Variants in CDC42BPB observed in about 807,000 individuals in gnomAD.
CDC42BPB encodes the protein serine/threonine-protein kinase MRCK beta.
Under a neutral mutation model 214.9 loss-of-function variants are expected in CDC42BPB, and 37 were observed. The observed-to-expected ratio is 0.17, with a 90% CI of 0.13 to 0.23. CDC42BPB has a LOEUF of 0.23. Among genes scored for constraint, CDC42BPB ranks in the 10% least tolerant of loss-of-function variants. The pLI, the probability that CDC42BPB is intolerant of heterozygous loss-of-function variation, is 1.00. For missense variants in CDC42BPB, 1,694 were observed against 2,227.0 expected (o/e 0.76, Z 4.82); for synonymous variants, 931 against 884.0 (o/e 1.05, Z -0.94).
intron 5 of CDC42BPB, among the ~76,000 whole-genome samples, chr14:102,995,874 C>T (rs559000655): frequency 2.6e-5 from 4 of 152,248 alleles, no homozygotes; most frequent in Non-Finnish European, 5.9e-5. Context: ...AATGCCCCCA[C>T]CTGAGACTGG....
Position 102,939,863 on chromosome 14 carries a change from T to A in CDC42BPB, c.4676A>T (p.Lys1559Met). The A allele has an allele frequency of 1.9e-6, 3 of 1,614,074 alleles. No homozygotes were observed. The highest frequency in any genetic ancestry group is 2.5e-6 in the Non-Finnish European group (3 of 1,180,044). The change falls in exon 33 of 37, where the codon AAG becomes ATG. Residue 1559 changes from lysine (K) to methionine (M), a missense_variant. Transcript: ENST00000361246. ...CTGCAGTCTCTCTTCCTCTGGGACCTTGAAGACGAACCGCCTTTTGCTCCT... is the reference window on the plus strand; with the variant it reads ...CTGCAGTCTCTCTTCCTCTGGGACCATGAAGACGAACCGCCTTTTGCTCCT... Reference protein sequence around the residue: ...RTRSKRRFVFKVPEEERLQQR... With the variant: ...RTRSKRRFVFMVPEEERLQQR...
At chr14:103,010,740 A>T (rs1886108258) in intron 2 of CDC42BPB, among the ~76,000 whole-genome samples, 1 of 152,222 alleles carries the variant, frequency 6.6e-6, no homozygotes, top group African/African-American at 2.4e-5. Context: ...CAGTTTAAGA[A>T]GCAAAACTTG....
At chr14:103,015,683 C>T (rs900143633) in intron 1 of CDC42BPB, among the ~76,000 whole-genome samples, 1 of 152,124 alleles carries the variant, frequency 6.6e-6, no homozygotes, top group Admixed American at 6.6e-5. Context: ...GAAGCACCTT[C>T]TGCCATTAGG....
chr14:102,964,207 T>C (rs1893085328), intron 19 of CDC42BPB, among the ~76,000 whole-genome samples: 1 of 152,106 alleles, frequency 6.6e-6, no homozygotes, highest in African/African-American at 2.4e-5. Flanking sequence ...GCGGTGTGAG[T>C]CTCGCTACCC....
chr14:102,946,716 A>G (rs1892196197), intron 27 of CDC42BPB, 32 bp from the exon 28 acceptor site: 1 of 1,609,504 alleles, frequency 6.2e-7, no homozygotes, highest in Non-Finnish European at 8.5e-7. Flanking sequence ...AGAAGAGAGA[A>G]GTCATCAAAC....
At chr14:102,991,205 C>T (rs922400516) in intron 5 of CDC42BPB, among the ~76,000 whole-genome samples, 1 of 152,170 alleles carries the variant, frequency 6.6e-6, no homozygotes, top group Non-Finnish European at 1.5e-5. Flanking sequence ...ATATTGTACA[C>T]CTGTGGAAAT....
At position 102,944,921 on chromosome 14, in the gene CDC42BPB, A is replaced by G. The variant is rs1461315784; in HGVS notation, c.3812-434T>C. On this transcript the variant is annotated intron_variant, in intron 29 of 36. Coordinates refer to ENST00000361246, the MANE Select transcript of CDC42BPB (RefSeq NM_006035.4). This position sits in a 1 kb window ranked among gnomAD's most constrained non-coding sequence, Gnocchi z 6.6. ...AAAGAGCTGTCCCCAACCCACTGGG[A>G]CCCTGAGACAAATCCTCTGAAGACG... Among the ~76,000 whole-genome samples the G allele has an allele frequency of 6.6e-6, 1 of 152,102 alleles. No homozygotes were observed. The highest frequency in any genetic ancestry group is 1.5e-5 in the Non-Finnish European group (1 of 68,012).
At chr14:103,035,636 T>A (rs12887150) in intron 1 of CDC42BPB, among the ~76,000 whole-genome samples, 2 of 151,788 alleles carry the variant, frequency 1.3e-5, no homozygotes, top group South Asian at 4.2e-4. Context: ...GTCAGGAGAT[T>A]GAGACCATCC....
intron 21 of CDC42BPB, among the ~76,000 whole-genome samples, chr14:102,956,821 C>T (rs941083771): frequency 8.0e-5 from 12 of 149,692 alleles, no homozygotes; most frequent in African/African-American, 3.0e-4. Context: ...AGAAGGAAGC[C>T]CTGACTCTAA....
At position 103,001,641 on chromosome 14, in the gene CDC42BPB, G is replaced by A. The variant is rs900569200; in HGVS notation, c.448-1928C>T. On this transcript the variant is annotated intron_variant, in intron 4 of 36. Coordinates refer to ENST00000361246, the MANE Select transcript of CDC42BPB (RefSeq NM_006035.4). This position sits in a 1 kb window ranked among gnomAD's most constrained non-coding sequence, Gnocchi z 5.8. ...CCCAGGCACCGAGGTGCCACTGCGT[G>A]TGGAGGGCGATGCAGAGGGGGCGGT... Among the ~76,000 whole-genome samples the A allele has an allele frequency of 6.6e-6, 1 of 152,220 alleles. No homozygotes were observed. The highest frequency in any genetic ancestry group is 1.5e-5 in the Non-Finnish European group (1 of 68,032).
chr14:102,946,369 T>A, intron 28 of CDC42BPB, 99 bp downstream of exon 28: 1 of 1,329,602 alleles, frequency 7.5e-7, no homozygotes, highest in South Asian at 1.3e-5. Flanking sequence ...CAAACCCAAA[T>A]GGACCTGTGA....
At chr14:102,967,342 A>G in intron 16 of CDC42BPB, 172 bp from the exon 17 acceptor site, 1 of 985,460 alleles carries the variant, frequency 1.0e-6, no homozygotes, top group Non-Finnish European at 1.2e-6. Context: ...AGCTTAAGTC[A>G]CATTTCAATT....
chr14:102,948,004 G>A lies in CDC42BPB; in HGVS notation c.3450-202C>T, dbSNP rs946820214. 8.6e-5 allele frequency: 84 copies of A among 980,522 alleles called. 1 individual carries two copies. The highest frequency in any genetic ancestry group is 9.4e-5 in the Non-Finnish European group (78 of 827,172). 60.7% of individuals were successfully genotyped at this position (980,522 alleles called of 1,614,324 possible). On this transcript the variant is annotated intron_variant, in intron 26 of 36. Transcript: ENST00000361246. The stretch of plus-strand genomic sequence containing the variant: ...CTCTGGCAGGTGTTTCAGGGCTTAG[G>A]GATGCCGCAAGGGAAACCCCGGAGC...
At chr14:102,957,024 CAAAAAAAA>C (rs1183767118) in intron 21 of CDC42BPB, among the ~76,000 whole-genome samples, 63 of 48,162 alleles carry the variant, frequency 1.3e-3, no homozygotes, top group Admixed American at 2.8e-3. Context: ...ACTAAAAATA[CAAAAAAAA>C]AAAAAAAAAA....
intron 5 of CDC42BPB, among the ~76,000 whole-genome samples, chr14:102,997,883 G>A (rs1165522627): frequency 1.5e-4 from 23 of 152,180 alleles, no homozygotes; most frequent in Admixed American, 1.3e-3. Flanking sequence ...GGTGGCTCAC[G>A]CCTGTAATCC....
At chr14:103,005,437 G>A (rs1895192434) in intron 3 of CDC42BPB, among the ~76,000 whole-genome samples, 2 of 152,186 alleles carry the variant, frequency 1.3e-5, no homozygotes, top group Admixed American at 1.3e-4. Flanking sequence ...GGCTGGCCAT[G>A]GTGGCTCACG....
intron 5 of CDC42BPB, among the ~76,000 whole-genome samples, chr14:102,993,033 T>C (rs763103781): frequency 1.3e-5 from 2 of 152,068 alleles, no homozygotes; most frequent in Non-Finnish European, 2.9e-5. Context: ...TTTTGCCATG[T>C]TGGCCAGGCT....
intron 17 of CDC42BPB, 103 bp from the exon 18 acceptor site, chr14:102,966,490 T>C (rs1893208619): frequency 2.0e-6 from 3 of 1,526,412 alleles, no homozygotes; most frequent in Non-Finnish European, 2.7e-6. Context: ...AGTGACACAG[T>C]GTCACGTCAG....
chr14:102,959,499 C>A, intron 21 of CDC42BPB, 132 bp downstream of exon 21: 1 of 646,644 alleles, frequency 1.5e-6, no homozygotes. Flanking sequence ...ACAGTTAGCA[C>A]AACGCTGAGA....
Sources: gnomAD v4.1 joint callset for allele counts (sites outside exome capture counted in the v4.1 genomes callset) on GRCh38, gnomAD v4.1.1 for gene constraint, Gnocchi (gnomAD v3.1) non-coding constraint, MANE v1.5 for transcripts, NCBI Gene and HGNC (gene_info 2026-07-23, HGNC 2026-07-21) for gene names.